Variants in KCNK13 observed in about 807,000 individuals in gnomAD.
KCNK13 encodes potassium channel subfamily K member 13.
Under a neutral mutation model 23.4 loss-of-function variants are expected in KCNK13, and 12 were observed. The observed-to-expected ratio is 0.51, with a 90% CI of 0.33 to 0.83. The LOEUF (loss-of-function observed/expected upper bound fraction) is 0.83. Among genes scored for constraint, KCNK13 ranks in the 40% least tolerant of loss-of-function variants. The pLI, the probability that KCNK13 is intolerant of heterozygous loss-of-function variation, is 0.02. For synonymous variants in KCNK13, 231 were observed against 229.5 expected (o/e 1.01, Z -0.06); for missense variants, 463 against 556.3 (o/e 0.83, Z 1.69).
intron 1 of KCNK13, among the ~76,000 whole-genome samples, chr14:90,136,805 AGGTT>A (rs1889942050): frequency 6.6e-6 from 1 of 152,120 alleles, no homozygotes; most frequent in African/African-American, 2.4e-5. Context: ...CCCTCATTCC[AGGTT>A]GAACCGAGAG....
At chr14:90,154,530 A>G (rs895154613) in intron 1 of KCNK13, among the ~76,000 whole-genome samples, 1 of 152,196 alleles carries the variant, frequency 6.6e-6, no homozygotes, top group African/African-American at 2.4e-5. Flanking sequence ...CATGTGCTCT[A>G]CTAGCCTAGC....
chr14:90,184,332 A>G lies in KCNK13; in HGVS notation c.556A>G (p.Ser186Gly). The G allele has an allele frequency of 6.2e-7, 1 of 1,614,242 alleles. No homozygotes were observed. The highest frequency in any genetic ancestry group is 8.5e-7 in the Non-Finnish European group (1 of 1,180,036). ...GGATGCGGGGCAGTGTGAGGTGGAC[A>G]GCCTGGCCGGCTGGAAGCCCTCCGT... ...LKDAGQCEVD[S>G]LAGWKPSVYY... Residue 186 changes from serine to glycine, a missense_variant, in exon 2 of 2, where the codon AGC becomes GGC. Ser to Gly is a moderately conservative substitution (Grantham distance 56, BLOSUM62 0). Transcript: ENST00000282146. The surrounding 1 kb of genome is among the most constrained non-coding windows in gnomAD (Gnocchi z 5.6).
intron 1 of KCNK13, among the ~76,000 whole-genome samples, chr14:90,136,207 A>T (rs1472331778): frequency 6.6e-6 from 1 of 152,142 alleles, no homozygotes; most frequent in Non-Finnish European, 1.5e-5. Context: ...CTCACATTTC[A>T]TGCCTCTGGC....
At chr14:90,176,610 C>A (rs928953334) in intron 1 of KCNK13, among the ~76,000 whole-genome samples, 1 of 152,134 alleles carries the variant, frequency 6.6e-6, no homozygotes, top group African/African-American at 2.4e-5. Flanking sequence ...GCAAGTCAAG[C>A]TTTGGTTCCT....
intron 1 of KCNK13, among the ~76,000 whole-genome samples, chr14:90,117,577 G>A (rs543695322): frequency 3.9e-5 from 6 of 152,070 alleles, no homozygotes; most frequent in Non-Finnish European, 7.4e-5. Flanking sequence ...GCGAGACAGA[G>A]CGAGACTCTG....
intron 1 of KCNK13, among the ~76,000 whole-genome samples, chr14:90,087,855 T>G (rs1361275448): frequency 6.6e-6 from 1 of 152,228 alleles, no homozygotes; most frequent in Non-Finnish European, 1.5e-5. Flanking sequence ...CAGCTAGTGA[T>G]GATGTCCTTC....
At chr14:90,078,717 G>A (rs1473585377) in intron 1 of KCNK13, among the ~76,000 whole-genome samples, 1 of 152,130 alleles carries the variant, frequency 6.6e-6, no homozygotes, top group Non-Finnish European at 1.5e-5. Flanking sequence ...AATGGGTGAA[G>A]ACCGAGCTCC....
intron 1 of KCNK13, among the ~76,000 whole-genome samples, chr14:90,116,942 G>A (rs911844996): frequency 2.6e-5 from 4 of 152,170 alleles, no homozygotes; most frequent in African/African-American, 9.7e-5. Flanking sequence ...GATGGTTCAA[G>A]CCTCAGATAC....
chr14:90,143,639 T>G (rs999780203), intron 1 of KCNK13, among the ~76,000 whole-genome samples: 1 of 152,138 alleles, frequency 6.6e-6, no homozygotes, highest in Non-Finnish European at 1.5e-5. Flanking sequence ...TTAAATTTAG[T>G]AGAGTTTAAT....
chr14:90,077,212 C>T (rs548399865), intron 1 of KCNK13, among the ~76,000 whole-genome samples: 6 of 151,608 alleles, frequency 4.0e-5, no homozygotes, highest in Non-Finnish European at 5.9e-5. Flanking sequence ...CTCCGCCTCC[C>T]GGGTTCAAGC....
chr14:90,157,569 A>T (rs960950450), intron 1 of KCNK13, among the ~76,000 whole-genome samples: 1 of 150,652 alleles, frequency 6.6e-6, no homozygotes, highest in African/African-American at 2.4e-5. Context: ...CTAAGTTTTT[A>T]AATTTTTTGT....
intron 1 of KCNK13, among the ~76,000 whole-genome samples, chr14:90,139,646 G>A (rs891856475): frequency 1.3e-5 from 2 of 152,124 alleles, no homozygotes; most frequent in South Asian, 2.1e-4. Flanking sequence ...AGTGTTGTAC[G>A]TGAGCAAGAA....
At chr14:90,183,969 T>TCA in intron 1 of KCNK13, 142 bp from the exon 2 acceptor site, 1 of 730,248 alleles carries the variant, frequency 1.4e-6, no homozygotes, top group Non-Finnish European at 2.2e-6. Flanking sequence ...GTGAGAATTC[T>TCA]CCTGCTCATT....
At chr14:90,157,219 G>A (rs1473452245) in intron 1 of KCNK13, among the ~76,000 whole-genome samples, 1 of 152,086 alleles carries the variant, frequency 6.6e-6, no homozygotes, top group Admixed American at 6.5e-5. Context: ...TTTGATAATT[G>A]CACATTTGTA....
chr14:90,134,262 A>G (rs1230594028), intron 1 of KCNK13, among the ~76,000 whole-genome samples: 1 of 152,194 alleles, frequency 6.6e-6, no homozygotes, highest in Non-Finnish European at 1.5e-5. Flanking sequence ...ACTAGGTCAG[A>G]ATGTATAGAA....
chr14:90,146,561 C>G (rs1048079144), intron 1 of KCNK13, among the ~76,000 whole-genome samples: 3 of 152,178 alleles, frequency 2.0e-5, no homozygotes, highest in African/African-American at 7.2e-5. Flanking sequence ...GGTGATCCAC[C>G]CACCTCAGCC....
At chr14:90,180,313 C>CA (rs1890470620) in intron 1 of KCNK13, among the ~76,000 whole-genome samples, 1 of 151,896 alleles carries the variant, frequency 6.6e-6, no homozygotes, top group South Asian at 2.1e-4. Context: ...TTTCCTCTAC[C>CA]AAAAAAGGAC....
At chr14:90,075,018 AAC>A (rs1327364718) in intron 1 of KCNK13, among the ~76,000 whole-genome samples, 12 of 152,002 alleles carry the variant, frequency 7.9e-5, no homozygotes, top group African/African-American at 2.7e-4. Flanking sequence ...TTAACCACTT[AAC>A]ACATTTTTGT....
At chr14:90,148,328 A>G (rs1890097117) in intron 1 of KCNK13, among the ~76,000 whole-genome samples, 1 of 152,242 alleles carries the variant, frequency 6.6e-6, no homozygotes, top group South Asian at 2.1e-4. Flanking sequence ...AGTCCTTTCT[A>G]GGGCACCTCC....
Sources: gnomAD v4.1 joint callset for allele counts (sites outside exome capture counted in the v4.1 genomes callset) on GRCh38, gnomAD v4.1.1 for gene constraint, Gnocchi (gnomAD v3.1) non-coding constraint, MANE v1.5 for transcripts, NCBI Gene and HGNC (gene_info 2026-07-23, HGNC 2026-07-21) for gene names.